Variants in CATSPERE observed in about 807,000 individuals in gnomAD.
CATSPERE encodes the protein catsper channel auxiliary subunit epsilon, also known as cation channel sperm-associated auxiliary subunit epsilon.
A neutral mutation model predicts 114.1 loss-of-function variants in CATSPERE; 93 were observed. The observed-to-expected ratio is 0.81, with a 90% confidence interval of 0.69 to 0.97. CATSPERE has a LOEUF of 0.97. Among genes scored for constraint, CATSPERE ranks in the 50% least tolerant of loss-of-function variants. CATSPERE has a pLI of 0.00. For missense variants in CATSPERE, 1,058 were observed against 1,131.6 expected, an observed-to-expected ratio of 0.93 and a Z score of 0.93; for synonymous variants, 341 against 384.1, an observed-to-expected ratio of 0.89 and a Z score of 1.31.
rs1558608970 is a variant in CATSPERE, at chr1:244,621,081, AT to A, written c.2648+3396del. On this transcript the variant is annotated intron_variant, in intron 20 of 21. Transcript: ENST00000366534. ...ATATAAATATATATAAAATATATATATAAATATATATAAAATATATATAAAT... is the reference window on the plus strand; with the variant it reads ...ATATAAATATATATAAAATATATATAAAATATATATAAAATATATATAAAT... Among the ~76,000 whole-genome samples the A allele has an allele frequency of 5.8e-3, 428 of 73,750 alleles. 10 individuals are homozygous for A. Among genetic ancestry groups the A allele is most frequent in the African/African-American group, 0.02 (372 of 18,682 alleles). 48.4% of individuals were successfully genotyped at this position (73,750 alleles called of 152,430 possible).
chr1:244,501,414 A>G (rs1674012757), intron 7 of CATSPERE, among the ~76,000 whole-genome samples: 1 of 152,238 alleles, frequency 6.6e-6, no homozygotes, highest in Non-Finnish European at 1.5e-5. Flanking sequence ...ATTGAAATGT[A>G]TTAAAGAAAA....
intron 1 of CATSPERE, among the ~76,000 whole-genome samples, chr1:244,462,910 G>A (rs1046983404): frequency 6.6e-6 from 1 of 152,094 alleles, no homozygotes; most frequent in Non-Finnish European, 1.5e-5. Context: ...GTTGCAATTA[G>A]GTATGCAATG....
At chr1:244,599,738 C>T (rs1250446999) in intron 17 of CATSPERE, among the ~76,000 whole-genome samples, 1 of 152,210 alleles carries the variant, frequency 6.6e-6, no homozygotes. Context: ...ACTGCACTCA[C>T]TCAGATGCAG....
intron 17 of CATSPERE, among the ~76,000 whole-genome samples, chr1:244,601,996 A>G (rs181683599): frequency 1.3e-5 from 2 of 151,644 alleles, no homozygotes; most frequent in East Asian, 3.9e-4. Flanking sequence ...GGGAAGGAGA[A>G]GAAGGGGAAG....
chr1:244,517,878 C>A (rs1248517374), intron 7 of CATSPERE, among the ~76,000 whole-genome samples: 1 of 150,664 alleles, frequency 6.6e-6, no homozygotes, highest in Non-Finnish European at 1.5e-5. Flanking sequence ...CCCCATAACC[C>A]CCCTAATTAC....
In CATSPERE at chr1:244,479,704, C is replaced by T; in HGVS notation, c.259-13C>T. ...TGTTAATATATCACAGTTTCTTTTGCATTTTCTTTTAGGATGAAGAAGAAC... is the reference window on the plus strand; with the variant it reads ...TGTTAATATATCACAGTTTCTTTTGTATTTTCTTTTAGGATGAAGAAGAAC... On this transcript the variant is annotated splice_polypyrimidine_tract_variant and intron_variant, in intron 4 of 21. Transcript: ENST00000366534. The T allele has an allele frequency of 1.3e-6, 2 of 1,557,726 alleles. No individual in the cohort carries two copies. Among genetic ancestry groups the T allele is most frequent in the Non-Finnish European group, 1.8e-6 (2 of 1,135,140 alleles).
chr1:244,610,821 C>T (rs2148691631), intron 19 of CATSPERE, among the ~76,000 whole-genome samples: 1 of 150,264 alleles, frequency 6.7e-6, no homozygotes, highest in East Asian at 1.9e-4. Context: ...AGGGCAGTGG[C>T]ACAATCTCTG....
chr1:244,508,548 A>G (rs377546910), intron 7 of CATSPERE, among the ~76,000 whole-genome samples: 9 of 151,148 alleles, frequency 6.0e-5, no homozygotes, highest in East Asian at 5.9e-4. Context: ...TGATCCGCCC[A>G]CCTTGGCCTC....
At chr1:244,522,650 G>T (rs2148379687) in intron 8 of CATSPERE, among the ~76,000 whole-genome samples, 1 of 152,062 alleles carries the variant, frequency 6.6e-6, no homozygotes, top group East Asian at 1.9e-4. Flanking sequence ...TGATAAAGGG[G>T]ATATCACCAC....
intron 17 of CATSPERE, among the ~76,000 whole-genome samples, chr1:244,596,688 A>G (rs917784416): frequency 5.9e-5 from 9 of 152,000 alleles, no homozygotes; most frequent in African/African-American, 2.2e-4. Context: ...TGATGGCTTG[A>G]TAGGCGCAGC....
At position 244,581,843 on chromosome 1, in the gene CATSPERE, C is replaced by T. The variant is rs1483930788; in HGVS notation, c.1998C>T (p.Tyr666=). 1.5e-6 allele frequency: 2 copies of T among 1,305,612 alleles called. No homozygotes were observed. The highest frequency in any genetic ancestry group is 1.5e-5 in the African/African-American group (1 of 68,248). The allele number at this position is 1,305,612 out of a possible 1,614,324, so 80.9% of individuals were successfully genotyped here. A position where few individuals can be genotyped will look rare whatever the true frequency, so the allele number is the denominator to read the frequency against. ...TAGATTATGAGAGAATATCTGATTA[C>T]TTTGAGACACAGTAAGTATAACTTT... ...QNVDYERISD[Y]FETQDKHTGL... is the part of the protein sequence containing the mutation. Residue 666 remains tyrosine, a synonymous_variant, in exon 12 of 22, where the codon TAC becomes TAT. Transcript: ENST00000366534.
intron 5 of CATSPERE, among the ~76,000 whole-genome samples, chr1:244,489,307 A>G (rs1572355490): frequency 6.6e-6 from 1 of 152,244 alleles, no homozygotes; most frequent in East Asian, 1.9e-4. Context: ...TTGTCATGCT[A>G]AAAGACAAAT....
intron 20 of CATSPERE, among the ~76,000 whole-genome samples, chr1:244,618,569 T>C (rs1671684919): frequency 6.6e-6 from 1 of 150,952 alleles, no homozygotes; most frequent in Admixed American, 6.6e-5. Context: ...TCACCTGAGG[T>C]TGGGAGTTCA....
chr1:244,640,014 T>C lies in CATSPERE; in HGVS notation c.2789T>C (p.Met930Thr), dbSNP rs1163296242. ...CTTGTTTTGAGCTACTTTCGGTACA[T>C]GAGGATTTATAGACGATATATTTAT... ...TILVLSYFRY[M>T]RIYRRYIYEP... Residue 930 changes from methionine (M) to threonine (T), a missense_variant, in exon 22 of 22, where the codon ATG becomes ACG. Physicochemically the swap from Met to Thr is moderately conservative, Grantham distance 81. This residue lies in a region of CATSPERE where 787 missense variants were observed against 905.6 expected (regional missense o/e 0.87). Transcript: ENST00000366534. 2 of 1,551,078 alleles carry C rather than the reference T, an allele frequency of 1.3e-6. No homozygotes were observed. The highest frequency in any genetic ancestry group is 2.4e-5 in the South Asian group (2 of 84,046).
chr1:244,612,657 A>AGATT (rs1179273815), intron 19 of CATSPERE, among the ~76,000 whole-genome samples: 2 of 152,122 alleles, frequency 1.3e-5, no homozygotes, highest in South Asian at 2.1e-4. Context: ...AGGCTAGGGG[A>AGATT]GATTGATTGA....
In CATSPERE at chr1:244,580,892, T is replaced by G. The variant is rs888395504; in HGVS notation, c.1951-904T>G. 2.4e-4 allele frequency among the ~76,000 whole-genome samples: 36 copies of G among 152,026 alleles called. 2 individuals carry two copies. The highest frequency in any genetic ancestry group is 3.9e-4 in the Admixed American group (6 of 15,250). ...GGCAGGTACCTGTAATCCCAGCTAC[T>G]CGGGAGGCTGAGACAGGAGAATCGC... On this transcript the variant is annotated intron_variant, in intron 11 of 21. Transcript: ENST00000366534.
chr1:244,638,136 G>A (rs940093693), intron 21 of CATSPERE, among the ~76,000 whole-genome samples: 13 of 151,780 alleles, frequency 8.6e-5, no homozygotes, highest in Admixed American at 2.0e-4. Flanking sequence ...AAGTTTCTCC[G>A]TTGCAGGACA....
intron 19 of CATSPERE, among the ~76,000 whole-genome samples, chr1:244,611,974 G>A (rs1156602328): frequency 6.6e-6 from 1 of 152,156 alleles, no homozygotes; most frequent in African/African-American, 2.4e-5. Context: ...AATTCAGCAG[G>A]TCTTGGTTGG....
chr1:244,494,610 A>G (rs1187235653), intron 6 of CATSPERE, among the ~76,000 whole-genome samples: 1 of 152,112 alleles, frequency 6.6e-6, no homozygotes, highest in Non-Finnish European at 1.5e-5. Flanking sequence ...AATAAAAAAA[A>G]AAAGTATGAA....
Sources: allele counts gnomAD v4.1 joint callset (sites outside exome capture counted in the v4.1 genomes callset), GRCh38; gene constraint gnomAD v4.1.1; regional missense constraint gnomAD v4.1.1; transcripts MANE v1.5; gene names NCBI Gene and HGNC (gene_info 2026-07-23, HGNC 2026-07-21).